Variants in MAP4K5 observed in about 807,000 individuals in gnomAD.
MAP4K5 encodes MAPK/ERK kinase kinase kinase 5.
In MAP4K5, 82 loss-of-function variants were observed where a neutral mutation model predicts 135.6. That is an observed-to-expected ratio of 0.60 (90% confidence interval 0.51 to 0.73). MAP4K5 has a LOEUF of 0.73. Among genes scored for constraint, MAP4K5 ranks in the 30% least tolerant of loss-of-function variants. The pLI is 0.00. For synonymous variants in MAP4K5, 347 were observed against 335.0 expected (o/e 1.04, Z -0.39); for missense variants, 907 against 1,010.9 (o/e 0.90, Z 1.39).
At chr14:50,485,151 G>A (rs1003498756) in intron 5 of MAP4K5, among the ~76,000 whole-genome samples, 11 of 152,120 alleles carry the variant, frequency 7.2e-5, no homozygotes, top group South Asian at 2.1e-4. Context: ...TAAAATACTC[G>A]AAACTTTAAA....
intron 3 of MAP4K5, among the ~76,000 whole-genome samples, chr14:50,489,993 AG>A (rs1194725904): frequency 6.6e-6 from 1 of 152,094 alleles, no homozygotes; most frequent in Non-Finnish European, 1.5e-5. Flanking sequence ...GGGCAGTTGC[AG>A]GTTCTACCAA....
chr14:50,527,606 C>G (rs2038294986), intron 2 of MAP4K5, among the ~76,000 whole-genome samples: 1 of 152,022 alleles, frequency 6.6e-6, no homozygotes, highest in Non-Finnish European at 1.5e-5. Flanking sequence ...TTAGCAGTAC[C>G]TATCTCTGAG....
Position 50,425,967 on chromosome 14 carries a change from T to C in MAP4K5, c.2337A>G (p.Gln779=), listed in dbSNP as rs1382873751. The change falls in exon 31 of 33, where the codon CAA becomes CAG. Residue 779 remains glutamine (Q), a synonymous_variant. Coordinates refer to ENST00000682126, the MANE Select transcript of MAP4K5 (RefSeq NM_006575.6). ...GTTTCCAGAAAGCCAACACACTGTC[T>C]TGAAGGCATACTAAAAATGATAAGG... ...DFRIESVVCL[Q]DSVLAFWKHG... 1 of 1,608,678 alleles carries C rather than the reference T, an allele frequency of 6.2e-7. No individual in the cohort carries two copies. The highest frequency in any genetic ancestry group is 1.1e-5 in the South Asian group (1 of 90,540).
At chr14:50,533,780 A>G (rs1169906653), upstream of MAP4K5, among the ~76,000 whole-genome samples, 1 of 152,040 alleles carries the variant, frequency 6.6e-6, no homozygotes, top group East Asian at 1.9e-4. Context: ...ATAATTGTAT[A>G]ATGTATAATA....
rs139144358 is a variant in MAP4K5, at chr14:50,457,200, C to A, written c.937-606G>T. ...GACAGACCATGAGGGTGAGCCCAAT[C>A]GACAAAGGCTCTGAATGTCAGCCTG... On this transcript the variant is annotated intron_variant, in intron 13 of 32. Coordinates refer to ENST00000682126, the MANE Select transcript of MAP4K5 (RefSeq NM_006575.6). Among the ~76,000 whole-genome samples the A allele has an allele frequency of 4.9e-3, 745 of 152,256 alleles. 4 individuals carry two copies. Among genetic ancestry groups the A allele is most frequent in the Middle Eastern group, 0.01 (3 of 294 alleles).
chr14:50,429,354 TG>T (rs1174885416), intron 28 of MAP4K5, 94 bp from the exon 29 acceptor site: 1 of 712,638 alleles, frequency 1.4e-6, no homozygotes, highest in African/African-American at 1.8e-5. Context: ...GACTTAAAAT[TG>T]ATCTTTGAAA....
intron 2 of MAP4K5, among the ~76,000 whole-genome samples, chr14:50,510,959 C>G (rs2037919220): frequency 6.6e-6 from 1 of 152,108 alleles, no homozygotes; most frequent in African/African-American, 2.4e-5. Flanking sequence ...TTGGCATGTA[C>G]CCAACTGAGC....
chr14:50,501,826 T>C (rs1239095021), intron 3 of MAP4K5, among the ~76,000 whole-genome samples: 1 of 152,144 alleles, frequency 6.6e-6, no homozygotes, highest in Non-Finnish European at 1.5e-5. Flanking sequence ...GACTAATGCA[T>C]TATACATTTA....
At chr14:50,479,302 TA>T (rs951100241) in intron 6 of MAP4K5, among the ~76,000 whole-genome samples, 6 of 152,082 alleles carry the variant, frequency 3.9e-5, no homozygotes, top group Admixed American at 3.9e-4. Context: ...TCTTCACTTA[TA>T]AAAAATTACT....
At chr14:50,522,851 T>C (rs931622418) in intron 2 of MAP4K5, among the ~76,000 whole-genome samples, 5 of 152,238 alleles carry the variant, frequency 3.3e-5, no homozygotes, top group East Asian at 1.9e-4. Context: ...TATTTTTTAT[T>C]ACCTTCAGAT....
chr14:50,531,062 T>C (rs2038375621), intron 2 of MAP4K5, among the ~76,000 whole-genome samples: 1 of 152,194 alleles, frequency 6.6e-6, no homozygotes, highest in African/African-American at 2.4e-5. Context: ...AGCAAAGGAA[T>C]TTGCCCTTAA....
chr14:50,482,280 G>A, intron 6 of MAP4K5, 81 bp downstream of exon 6: 1 of 723,028 alleles, frequency 1.4e-6, no homozygotes, highest in Non-Finnish European at 2.2e-6. Flanking sequence ...GTTATCAATT[G>A]TCAGGCAATT....
In MAP4K5 at chr14:50,500,424, G is replaced by A. The variant is rs560161383; in HGVS notation, c.166+4376C>T. The stretch of plus-strand genomic sequence containing the variant: ...TTACCTCAGGCAAAAGGGAAGAATT[G>A]CTTTAATCTTGGACTGTTTAAATAA... On this transcript the variant is annotated intron_variant, in intron 3 of 32. Coordinates refer to ENST00000682126, the MANE Select transcript of MAP4K5 (RefSeq NM_006575.6). Among the ~76,000 whole-genome samples, 265 of 152,284 alleles carry A rather than the reference G, an allele frequency of 1.7e-3. 1 individual carries two copies. Among genetic ancestry groups the A allele is most frequent in the African/African-American group, 6.1e-3 (255 of 41,572 alleles).
chr14:50,456,733 C>T (rs561510829), intron 13 of MAP4K5, 139 bp from the exon 14 acceptor site: 16 of 598,686 alleles, frequency 2.7e-5, no homozygotes, highest in African/African-American at 2.7e-4. Flanking sequence ...ATACAATGAA[C>T]GCTACAATAC....
chr14:50,477,342 CTAAT>C (rs1187603626), intron 6 of MAP4K5, among the ~76,000 whole-genome samples: 1 of 152,046 alleles, frequency 6.6e-6, no homozygotes, highest in Non-Finnish European at 1.5e-5. Context: ...TCTTTCTAGC[CTAAT>C]TTATTAGTTC....
Position 50,425,892 on chromosome 14 carries a change from T to TTA in MAP4K5, c.2397+14_2397+15insTA. 3 of 1,590,210 alleles carry TTA rather than the reference T, an allele frequency of 1.9e-6. No homozygotes were observed. The highest frequency in any genetic ancestry group is 1.7e-6 in the Non-Finnish European group (2 of 1,161,100). ...TGTTAGTGGGAGTCAGTGGAGGTAATCTGAGAAGGCTTACCTCATCTGACT... is the reference window on the plus strand; with the variant it reads ...TGTTAGTGGGAGTCAGTGGAGGTAATTACTGAGAAGGCTTACCTCATCTGACT... On this transcript the variant is annotated intron_variant, in intron 31 of 32. Coordinates refer to ENST00000682126, the MANE Select transcript of MAP4K5 (RefSeq NM_006575.6).
chr14:50,518,592 T>C (rs2038082992), intron 2 of MAP4K5, among the ~76,000 whole-genome samples: 1 of 152,214 alleles, frequency 6.6e-6, no homozygotes, highest in Admixed American at 6.5e-5. Context: ...GGAAGGAGGC[T>C]ATACTGCACA....
intron 26 of MAP4K5, among the ~76,000 whole-genome samples, chr14:50,435,321 A>G (rs2036066091): frequency 6.6e-6 from 1 of 152,152 alleles, no homozygotes; most frequent in African/African-American, 2.4e-5. Flanking sequence ...CCTAACATGC[A>G]ACCTAAAAAG....
chr14:50,540,735 A>G (rs1320047683), intron 2 of MAP4K5, among the ~76,000 whole-genome samples: 1 of 152,248 alleles, frequency 6.6e-6, no homozygotes, highest in Non-Finnish European at 1.5e-5. Context: ...GAGTATAGAT[A>G]TATTGAGTAG....
Sources: gnomAD v4.1 joint callset for allele counts (sites outside exome capture counted in the v4.1 genomes callset) on GRCh38, gnomAD v4.1.1 for gene constraint, MANE v1.5 for transcripts, NCBI Gene and HGNC (gene_info 2026-07-23, HGNC 2026-07-21) for gene names.